MRM2: variants seen among roughly 807,000 people sequenced by gnomAD.
The protein encoded by MRM2 is rRNA methyltransferase 2, mitochondrial.
Under a neutral mutation model 10.9 loss-of-function variants are expected in MRM2, and 15 were observed. That is an observed-to-expected ratio of 1.37 (90% CI 0.92 to 2.11). MRM2 has a LOEUF of 2.11. MRM2 is among the 30% of genes most tolerant of loss of function. The pLI, the probability that MRM2 is intolerant of heterozygous loss-of-function variation, is 0.00. For synonymous variants in MRM2, 139 were observed against 128.7 expected (o/e 1.08, Z -0.54); for missense variants, 328 against 321.3 (o/e 1.02, Z -0.16).
chr7:2,235,047 A>G lies in MRM2; in HGVS notation c.*75T>C. 1 of 1,135,340 alleles carries G rather than the reference A, an allele frequency of 8.8e-7. No individual in the cohort carries two copies. Among genetic ancestry groups the G allele is most frequent in the Admixed American group, 2.0e-5 (1 of 50,798 alleles). The allele number at this position is 1,135,340 out of a possible 1,614,324, so 70.3% of individuals were successfully genotyped here. On this transcript the variant is annotated 3_prime_UTR_variant, in exon 3 of 3. Transcript: ENST00000242257. ...CAAAATCAGCTCAAATCTCCCAGGA[A>G]CTCTTCAGGAGCTCAGGCTACGTTT...
chr7:2,239,607 G>T lies in MRM2; in HGVS notation c.109C>A (p.Arg37=). 1.9e-6 allele frequency: 3 copies of T among 1,614,078 alleles called. No homozygotes were observed. Among genetic ancestry groups the T allele is most frequent in the African/African-American group, 1.3e-5 (1 of 75,034 alleles). ...RTGAEHLWLT[R]HLRDPFVKAA... is the part of the protein sequence containing the mutation. ...TTCACAAATGGGTCCCTGAGATGTCGGGTCAGCCACAGGTGCTCAGCGCCT... is the reference window on the plus strand; with the variant it reads ...TTCACAAATGGGTCCCTGAGATGTCTGGTCAGCCACAGGTGCTCAGCGCCT... Residue 37 remains arginine, a synonymous_variant, in exon 2 of 3, where the codon CGA becomes AGA. Transcript: ENST00000242257.
rs763042221 is a variant in MRM2, at chr7:2,242,139, CGCA to C, written c.8+20_8+22del. 6.3e-7 allele frequency: 1 copy of C among 1,583,166 alleles called. No individual in the cohort carries two copies. The highest frequency in any genetic ancestry group is 8.6e-7 in the Non-Finnish European group (1 of 1,168,496). Reference sequence around the variant, plus strand: ...CCCAACCACTCCCGCTGTCTGCACGCGCAGCAGCAGCGCCCAGCTCACCCCGCC... The same window carrying C: ...CCCAACCACTCCCGCTGTCTGCACGCGCAGCAGCGCCCAGCTCACCCCGCC... On this transcript the variant is annotated intron_variant, in intron 1 of 2. Coordinates refer to ENST00000242257, the MANE Select transcript of MRM2 (RefSeq NM_013393.3).
Position 2,234,991 on chromosome 7 carries a change from G to C in MRM2, c.*131C>G, listed in dbSNP as rs1794392040. On this transcript the variant is annotated 3_prime_UTR_variant, in exon 3 of 3. Coordinates refer to ENST00000242257, the MANE Select transcript of MRM2 (RefSeq NM_013393.3). ...AAAAAGAGAGAGAGAGAAAGAGAGAGAGAGACTCCCCACTTGTCCTGCTCC... is the reference window on the plus strand; with the variant it reads ...AAAAAGAGAGAGAGAGAAAGAGAGACAGAGACTCCCCACTTGTCCTGCTCC... 1.5e-6 allele frequency: 1 copy of C among 675,072 alleles called. No homozygotes were observed. The highest frequency in any genetic ancestry group is 1.8e-5 in the African/African-American group (1 of 55,558). 41.8% of individuals were successfully genotyped at this position (675,072 alleles called of 1,614,324 possible).
At chr7:2,236,606 G>A (rs755131212) in intron 2 of MRM2, among the ~76,000 whole-genome samples, 2 of 152,176 alleles carry the variant, frequency 1.3e-5, no homozygotes, top group Non-Finnish European at 2.9e-5. Context: ...CCATTTTCCT[G>A]GGGTGAAGAC....
intron 2 of MRM2, among the ~76,000 whole-genome samples, chr7:2,236,262 A>C (rs1584623784): frequency 2.6e-5 from 4 of 152,294 alleles, no homozygotes; most frequent in Admixed American, 2.6e-4. Context: ...GAAAATAATA[A>C]ACTAGTACAT....
chr7:2,234,676 A>G lies in MRM2; in HGVS notation c.*446T>C. On this transcript the variant is annotated 3_prime_UTR_variant, in exon 3 of 3. Coordinates refer to ENST00000242257, the MANE Select transcript of MRM2 (RefSeq NM_013393.3). ...AGCCCCCAGATTTTCTACTTTAAAC[A>G]GCCACACTAAGAACTGGAAATCTGT... 5.9e-6 allele frequency: 1 copy of G among 170,786 alleles called. No individual in the cohort carries two copies. The highest frequency in any genetic ancestry group is 1.6e-4 in the East Asian group (1 of 6,354). 10.6% of individuals were successfully genotyped at this position (170,786 alleles called of 1,614,324 possible). A position where few individuals can be genotyped will look rare whatever the true frequency, so the allele number is the denominator to read the frequency against.
At chr7:2,236,605 T>C (rs2066189554) in intron 2 of MRM2, among the ~76,000 whole-genome samples, 1 of 152,200 alleles carries the variant, frequency 6.6e-6, no homozygotes, top group Admixed American at 6.5e-5. Flanking sequence ...CCCATTTTCC[T>C]GGGGTGAAGA....
chr7:2,238,309 T>A (rs543501385), intron 2 of MRM2: 109 of 152,288 alleles, frequency 7.2e-4, no homozygotes, highest in African/African-American at 2.6e-3. Context: ...GATGCCACAG[T>A]GAGGGAGCTG....
intron 2 of MRM2, among the ~76,000 whole-genome samples, chr7:2,235,918 GCT>G (rs1353296749): frequency 6.6e-6 from 1 of 152,168 alleles, no homozygotes; most frequent in African/African-American, 2.4e-5. Context: ...ATCTCTGAGT[GCT>G]CTTTTTGATA....
rs748103685 is a variant in MRM2 at position 2,239,136 on chromosome 7, T to C, written c.298+282A>G. 5.0e-5 allele frequency: 39 copies of C among 778,478 alleles called. No homozygotes were observed. The Admixed American group carries it at 5.9e-4, about 12-fold the overall frequency. 48.2% of individuals were successfully genotyped at this position (778,478 alleles called of 1,614,324 possible). ...TTTGAAAATGTGAGGGATCTATGCA[T>C]GCACAAGCCTGGAAGGATGCACACC... On this transcript the variant is annotated intron_variant, in intron 2 of 2. Coordinates refer to ENST00000242257, the MANE Select transcript of MRM2 (RefSeq NM_013393.3).
chr7:2,237,658 G>A (rs73043204), intron 2 of MRM2, among the ~76,000 whole-genome samples: 3,772 of 152,200 alleles, frequency 0.025, 73 homozygotes, highest in Non-Finnish European at 0.04. Flanking sequence ...AGGCTTTCAG[G>A]CTGACCACGA....
intron 2 of MRM2, 35 bp from the exon 3 acceptor site, chr7:2,235,599 C>T (rs1318532941): frequency 7.1e-7 from 1 of 1,405,988 alleles, no homozygotes; most frequent in Non-Finnish European, 9.8e-7. Context: ...TATTTATTTA[C>T]ACCCTGAATC....
At chr7:2,236,181 G>T (rs1584623715) in intron 2 of MRM2, among the ~76,000 whole-genome samples, 1 of 152,172 alleles carries the variant, frequency 6.6e-6, no homozygotes, top group South Asian at 2.1e-4. Context: ...AGTGAGCCAA[G>T]ATCGCACCAC....
Position 2,242,192 on chromosome 7 carries a change from G to T in MRM2, c.-23C>A, listed in dbSNP as rs747114574. On this transcript the variant is annotated 5_prime_UTR_variant, in exon 1 of 3. Coordinates refer to ENST00000242257, the MANE Select transcript of MRM2 (RefSeq NM_013393.3). ...CATTGGTGTTCCCCGCGCCTGCAGC[G>T]CGCCGCCGGAAGTGCCTGGCCTCAC... The T allele has an allele frequency of 2.9e-5, 45 of 1,574,368 alleles. No homozygotes were observed. Among genetic ancestry groups the T allele is most frequent in the Non-Finnish European group, 3.8e-5 (44 of 1,166,108 alleles).
At chr7:2,242,080 G>A in intron 1 of MRM2, 82 bp downstream of exon 1, 1 of 1,450,174 alleles carries the variant, frequency 6.9e-7, no homozygotes, top group Non-Finnish European at 9.4e-7. Flanking sequence ...ACCCAGCCCC[G>A]AGGCCAGGAC....
At chr7:2,239,792 T>C in intron 1 of MRM2, 85 bp from the exon 2 acceptor site, 3 of 1,250,028 alleles carry the variant, frequency 2.4e-6, no homozygotes, top group Non-Finnish European at 3.4e-6. Context: ...ATCAACTCAT[T>C]CATTTCTAGA....
At chr7:2,240,338 C>T in intron 1 of MRM2, 1 of 453,148 alleles carries the variant, frequency 2.2e-6, no homozygotes, top group Non-Finnish European at 4.4e-6. Flanking sequence ...CAGATCCTTG[C>T]CTTAGTGACC....
At chr7:2,239,315 A>G (rs924590988) in intron 2 of MRM2, 103 bp downstream of exon 2, 2 of 1,198,232 alleles carry the variant, frequency 1.7e-6, no homozygotes, top group Non-Finnish European at 2.5e-6. Flanking sequence ...CACGCCTTCA[A>G]AAAAGGGCTC....
chr7:2,242,107 G>T, intron 1 of MRM2, 55 bp downstream of exon 1: 1 of 1,568,680 alleles, frequency 6.4e-7, no homozygotes. Flanking sequence ...AGGCGACCGG[G>T]CGGACCCCCA....
Sources: gnomAD v4.1 joint callset for allele counts (sites outside exome capture counted in the v4.1 genomes callset) on GRCh38, gnomAD v4.1.1 for gene constraint, MANE v1.5 for transcripts, NCBI Gene and HGNC (gene_info 2026-07-23, HGNC 2026-07-21) for gene names.